Variants in MEGF10 observed in about 807,000 individuals in gnomAD.
MEGF10 encodes multiple epidermal growth factor-like domains protein 10.
Under a neutral mutation model 147.5 loss-of-function variants are expected in MEGF10, and 86 were observed. The ratio of observed to expected loss-of-function variants is 0.58; its 90% CI spans 0.49 to 0.70. The LOEUF (loss-of-function observed/expected upper bound fraction) is 0.70. Among genes scored for constraint, MEGF10 ranks in the 30% least tolerant of loss-of-function variants. The probability of loss-of-function intolerance (pLI) is 0.00; values close to 1 mark genes in which losing one functional copy is unlikely to be tolerated. For missense variants in MEGF10, 1,329 were observed against 1,487.3 expected (o/e 0.89, Z 1.75); for synonymous variants, 478 against 525.5 (o/e 0.91, Z 1.24).
intron 16 of MEGF10, 81 bp from the exon 17 acceptor site, chr5:127,438,358 A>G: frequency 6.9e-7 from 1 of 1,452,194 alleles, no homozygotes; most frequent in Non-Finnish European, 9.5e-7. Flanking sequence ...ATGCAGGGAG[A>G]TGTGTAGAGG....
At chr5:127,445,428 C>G (rs1421442262) in intron 19 of MEGF10, 29 bp from the exon 20 acceptor site, 2 of 1,554,294 alleles carry the variant, frequency 1.3e-6, no homozygotes, top group Non-Finnish European at 1.8e-6. Flanking sequence ...ACATTGTCAT[C>G]CTTTCTCAAG....
chr5:127,412,561 T>A (rs1299511846), intron 9 of MEGF10, among the ~76,000 whole-genome samples: 60 of 152,232 alleles, frequency 3.9e-4, no homozygotes, highest in Non-Finnish European at 7.3e-5. Context: ...AAATACAGTG[T>A]AAATTAATAA....
intron 6 of MEGF10, among the ~76,000 whole-genome samples, chr5:127,397,914 A>G (rs942652209): frequency 2.6e-5 from 4 of 152,206 alleles, no homozygotes; most frequent in Non-Finnish European, 5.9e-5. Flanking sequence ...TGTCCTTTGC[A>G]GGGACATGGA....
chr5:127,345,104 C>T lies in MEGF10; in HGVS notation c.319+4474C>T, dbSNP rs1231342179. On this transcript the variant is annotated intron_variant, in intron 4 of 24. Transcript: ENST00000503335. ...GATTCACATGGAAACTGTCCCAGGA[C>T]GAGGCTCTCATTTCATGTTTATGTG... 3.9e-5 allele frequency among the ~76,000 whole-genome samples: 6 copies of T among 152,114 alleles called. No individual in the cohort carries two copies. The East Asian group carries it at 7.7e-4, about 20-fold the overall frequency.
chr5:127,402,471 CTT>C, intron 7 of MEGF10, 73 bp from the exon 8 acceptor site: 1 of 1,518,446 alleles, frequency 6.6e-7, no homozygotes, highest in Non-Finnish European at 8.9e-7. Flanking sequence ...TATTTCCTCT[CTT>C]TTCTTCTTCA....
chr5:127,395,471 T>G (rs1055477124), intron 5 of MEGF10, among the ~76,000 whole-genome samples: 1 of 152,078 alleles, frequency 6.6e-6, no homozygotes, highest in African/African-American at 2.4e-5. Flanking sequence ...TTGTCCATTT[T>G]TTCTGCCCTT....
intron 1 of MEGF10, among the ~76,000 whole-genome samples, chr5:127,330,325 C>G (rs1761202656): frequency 6.6e-6 from 1 of 152,146 alleles, no homozygotes; most frequent in Non-Finnish European, 1.5e-5. Flanking sequence ...TCCATGTTAT[C>G]CTTGGATGAA....
At chr5:127,272,572 T>A in the MEGF10 span, among the ~76,000 whole-genome samples, 1 of 152,170 alleles carries the variant, frequency 6.6e-6, no homozygotes, top group South Asian at 2.1e-4. Context: ...ATGGGATGTT[T>A]TTCCATTTGT....
chr5:127,258,064 T>C, the MEGF10 span, among the ~76,000 whole-genome samples: 3 of 152,204 alleles, frequency 2.0e-5, no homozygotes, highest in Non-Finnish European at 4.4e-5. Context: ...TGGGTGACAA[T>C]ATGAATCAGA....
At chr5:127,395,481 T>A (rs1477228970) in intron 5 of MEGF10, among the ~76,000 whole-genome samples, 1 of 151,646 alleles carries the variant, frequency 6.6e-6, no homozygotes, top group Non-Finnish European at 1.5e-5. Flanking sequence ...TTTCTGCCCT[T>A]TTTTTTGGTC....
chr5:127,285,518 A>C, the MEGF10 span, among the ~76,000 whole-genome samples: 1 of 152,262 alleles, frequency 6.6e-6, no homozygotes, highest in South Asian at 2.1e-4. Flanking sequence ...TGCATTAGTT[A>C]TGTTGTAGTG....
At chr5:127,282,611 G>A in the MEGF10 span, among the ~76,000 whole-genome samples, 1 of 152,152 alleles carries the variant, frequency 6.6e-6, no homozygotes, top group Non-Finnish European at 1.5e-5. Flanking sequence ...TGCAGGCTTT[G>A]CCATTACTTC....
At chr5:127,431,667 C>G (rs1016470609) in intron 13 of MEGF10, among the ~76,000 whole-genome samples, 2 of 152,194 alleles carry the variant, frequency 1.3e-5, no homozygotes, top group Non-Finnish European at 2.9e-5. Context: ...GTGTCCCCAT[C>G]TTAGCTGTTG....
chr5:127,246,090 C>G, the MEGF10 span, among the ~76,000 whole-genome samples: 17 of 152,282 alleles, frequency 1.1e-4, no homozygotes, highest in South Asian at 3.5e-3. Flanking sequence ...TTTGACCCAG[C>G]AATCCCATTA....
At chr5:127,353,404 A>C (rs1412435364) in intron 4 of MEGF10, among the ~76,000 whole-genome samples, 1 of 152,166 alleles carries the variant, frequency 6.6e-6, no homozygotes, top group African/African-American at 2.4e-5. Flanking sequence ...GTGACATGGG[A>C]CTTGGAAAAG....
intron 5 of MEGF10, among the ~76,000 whole-genome samples, chr5:127,394,563 T>G (rs1763828359): frequency 6.6e-6 from 1 of 152,192 alleles, no homozygotes; most frequent in African/African-American, 2.4e-5. Context: ...GGATGGAGTC[T>G]TCTCTACCTG....
the MEGF10 span, among the ~76,000 whole-genome samples, chr5:127,282,235 G>C: frequency 1.8e-4 from 27 of 152,314 alleles, no homozygotes; most frequent in East Asian, 5.0e-3. Flanking sequence ...GAGCAGAAAA[G>C]AAGTCACCCA....
the MEGF10 span, among the ~76,000 whole-genome samples, chr5:127,277,815 C>A: frequency 2.0e-5 from 3 of 151,906 alleles, no homozygotes; most frequent in Non-Finnish European, 4.4e-5. Flanking sequence ...AAGGATGACA[C>A]CAAGGTTTTT....
At chr5:127,236,280 T>C in the MEGF10 span, among the ~76,000 whole-genome samples, 11 of 152,168 alleles carry the variant, frequency 7.2e-5, no homozygotes, top group Non-Finnish European at 1.0e-4. Flanking sequence ...TAGCAAACTT[T>C]TAAGGTAAAG....
Sources: allele counts gnomAD v4.1 joint callset (sites outside exome capture counted in the v4.1 genomes callset), GRCh38; gene constraint gnomAD v4.1.1; transcripts MANE v1.5; gene names NCBI Gene and HGNC (gene_info 2026-07-23, HGNC 2026-07-21).